Variants in CHN1 observed in about 807,000 individuals in gnomAD.
The protein encoded by CHN1 is N-chimaerin.
Under a neutral mutation model 59.5 loss-of-function variants are expected in CHN1, and 37 were observed. The observed-to-expected ratio is 0.62, with a 90% CI of 0.48 to 0.82. The LOEUF is 0.82. Among genes scored for constraint, CHN1 ranks in the 40% least tolerant of loss-of-function variants. The pLI, the probability that CHN1 is intolerant of heterozygous loss-of-function variation, is 0.00. For missense variants in CHN1, 469 were observed against 571.0 expected (o/e 0.82, Z 1.82); for synonymous variants, 206 against 200.4 (o/e 1.03, Z -0.24).
chr2:174,854,195 G>A (rs1686830764), intron 6 of CHN1, among the ~76,000 whole-genome samples: 1 of 151,916 alleles, frequency 6.6e-6, no homozygotes, highest in South Asian at 2.1e-4. Context: ...TTTTAATACT[G>A]TTTTGTTATT....
intron 7 of CHN1, among the ~76,000 whole-genome samples, chr2:174,828,019 C>T (rs890039838): frequency 6.6e-5 from 10 of 152,118 alleles, no homozygotes; most frequent in African/African-American, 2.4e-4. Context: ...GCAATTAGCT[C>T]TGAATACAAG....
chr2:174,876,284 A>G (rs750505722), intron 6 of CHN1, among the ~76,000 whole-genome samples: 5 of 152,212 alleles, frequency 3.3e-5, no homozygotes, highest in Non-Finnish European at 7.3e-5. Context: ...AGAATGCATT[A>G]ACAAAGGTTT....
chr2:174,881,332 T>C (rs1048880331), intron 5 of CHN1, among the ~76,000 whole-genome samples: 1 of 152,056 alleles, frequency 6.6e-6, no homozygotes, highest in African/African-American at 2.4e-5. Context: ...GGAAGGCAAA[T>C]GTGGGTCCTA....
chr2:174,899,313 A>G (rs183753343), intron 5 of CHN1, among the ~76,000 whole-genome samples: 1 of 152,348 alleles, frequency 6.6e-6, no homozygotes, highest in East Asian at 1.9e-4. Context: ...GTGAACAACA[A>G]AAGCAAAGTG....
chr2:174,959,938 C>T (rs1390251855), intron 1 of CHN1, among the ~76,000 whole-genome samples: 2 of 152,094 alleles, frequency 1.3e-5, no homozygotes, highest in African/African-American at 4.8e-5. Context: ...GCAACTATTG[C>T]CAAACAGTGC....
intron 3 of CHN1, among the ~76,000 whole-genome samples, chr2:174,940,992 C>T (rs1366783777): frequency 6.6e-6 from 1 of 151,946 alleles, no homozygotes; most frequent in Non-Finnish European, 1.5e-5. Flanking sequence ...CTGTATATTT[C>T]CCCATTTTTT....
chr2:174,802,252 T>C (rs1019969639), intron 11 of CHN1, among the ~76,000 whole-genome samples: 1 of 152,246 alleles, frequency 6.6e-6, no homozygotes, highest in Non-Finnish European at 1.5e-5. Flanking sequence ...ATACTAACCA[T>C]GTCACTCCAT....
At chr2:174,971,380 T>C (rs1352675427) in intron 1 of CHN1, among the ~76,000 whole-genome samples, 2 of 152,250 alleles carry the variant, frequency 1.3e-5, no homozygotes, top group South Asian at 4.1e-4. Context: ...GAGTTTATTT[T>C]TTAATTGATA....
chr2:174,983,129 A>G (rs542169972), intron 1 of CHN1, among the ~76,000 whole-genome samples: 100 of 152,298 alleles, frequency 6.6e-4, no homozygotes, highest in African/African-American at 2.1e-3. Flanking sequence ...TAGTAATGTT[A>G]TATCTTTTGA....
At chr2:174,840,383 C>T (rs985045869) in intron 7 of CHN1, among the ~76,000 whole-genome samples, 3 of 152,044 alleles carry the variant, frequency 2.0e-5, no homozygotes. Context: ...CCAGGCTGGT[C>T]TTAAACTCCT....
chr2:174,884,566 G>T (rs940718655), intron 5 of CHN1, among the ~76,000 whole-genome samples: 1 of 152,122 alleles, frequency 6.6e-6, no homozygotes, highest in East Asian at 1.9e-4. Context: ...ATTTACTAAA[G>T]TTGAATATAT....
chr2:174,923,333 G>T (rs1262554015), intron 3 of CHN1, among the ~76,000 whole-genome samples: 1 of 151,960 alleles, frequency 6.6e-6, no homozygotes, highest in African/African-American at 2.4e-5. Flanking sequence ...GTAGAGACGG[G>T]GTTTCACCGT....
At position 174,952,199 on chromosome 2, in the gene CHN1, G is replaced by T; in HGVS notation, c.23C>A (p.Thr8Lys). 6.9e-7 allele frequency: 1 copy of T among 1,446,460 alleles called. No homozygotes were observed. Among genetic ancestry groups the T allele is most frequent in the Non-Finnish European group, 9.2e-7 (1 of 1,091,508 alleles). The allele number at this position is 1,446,460 out of a possible 1,614,324, so 89.6% of individuals were successfully genotyped here. A position where few individuals can be genotyped will look rare whatever the true frequency, so the allele number is the denominator to read the frequency against. MALTLFD[T>K]DEYRPPVWKS... ...CCAAACAGGAGGTCTATATTCATCT[G>T]TATCTGAAAGAAAAAACATCAAATT... The change falls in exon 2 of 13, where the codon ACA becomes AAA. Residue 8 changes from threonine (T) to lysine (K), a missense_variant. Around this residue, in one of 5 missense-constraint regions of CHN1, gnomAD observed 152 missense variants for 166.1 expected, o/e 0.92. Coordinates refer to ENST00000409900, the MANE Select transcript of CHN1 (RefSeq NM_001822.7).
At chr2:174,956,089 G>GGAA (rs369151515) in intron 1 of CHN1, among the ~76,000 whole-genome samples, 16 of 152,130 alleles carry the variant, frequency 1.1e-4, no homozygotes, top group African/African-American at 3.9e-4. Context: ...AGGAAATCTT[G>GGAA]GAAGAAGAAG....
chr2:174,928,541 T>C (rs1277422883), intron 3 of CHN1, among the ~76,000 whole-genome samples: 2 of 152,222 alleles, frequency 1.3e-5, no homozygotes, highest in African/African-American at 2.4e-5. Context: ...GACACATTTA[T>C]AGATTAGAAA....
intron 12 of CHN1, among the ~76,000 whole-genome samples, chr2:174,801,140 A>G (rs1427528595): frequency 6.6e-6 from 1 of 152,244 alleles, no homozygotes; most frequent in African/African-American, 2.4e-5. Context: ...GTAAAGCTGC[A>G]TGACTATCGC....
At chr2:175,000,652 C>T (rs941877302) in intron 1 of CHN1, among the ~76,000 whole-genome samples, 5 of 152,144 alleles carry the variant, frequency 3.3e-5, no homozygotes, top group Non-Finnish European at 5.9e-5. Flanking sequence ...CCATGTTGGC[C>T]AGGCTGGTCT....
chr2:174,999,750 G>A (rs916422403), intron 1 of CHN1, among the ~76,000 whole-genome samples: 1 of 152,162 alleles, frequency 6.6e-6, no homozygotes, highest in Non-Finnish European at 1.5e-5. Flanking sequence ...TATATCTCTG[G>A]TATTAAATTT....
chr2:174,900,459 A>G (rs1055257174), intron 5 of CHN1, among the ~76,000 whole-genome samples: 1 of 152,090 alleles, frequency 6.6e-6, no homozygotes, highest in Admixed American at 6.6e-5. Context: ...AGCTATGATC[A>G]TACTCCAGGC....
Sources: gnomAD v4.1 joint callset for allele counts (sites outside exome capture counted in the v4.1 genomes callset) on GRCh38, gnomAD v4.1.1 for gene constraint, gnomAD v4.1.1 regional missense constraint, MANE v1.5 for transcripts, NCBI Gene and HGNC (gene_info 2026-07-23, HGNC 2026-07-21) for gene names.